The following HELLS variants were observed in gnomAD, a reference collection of about 807,000 sequenced individuals.
HELLS encodes helicase, lymphoid specific, also known as lymphoid-specific helicase.
HELLS carries 32 observed loss-of-function variants against 120.0 expected under a neutral mutation model. The observed-to-expected ratio is 0.27, with a 90% CI of 0.20 to 0.36. The LOEUF (loss-of-function observed/expected upper bound fraction) is 0.36, where lower values mean the gene tolerates loss of function less well. Among genes scored for constraint, HELLS ranks in the 10% least tolerant of loss-of-function variants. The probability of loss-of-function intolerance (pLI) is 1.00; values close to 1 mark genes in which losing one functional copy is unlikely to be tolerated. For synonymous variants in HELLS, 341 were observed against 323.4 expected (o/e 1.05, Z -0.58); for missense variants, 650 against 993.4 (o/e 0.65, Z 4.65).
chr10:94,567,900 C>T (rs1201042734), intron 6 of HELLS, among the ~76,000 whole-genome samples: 1 of 142,682 alleles, frequency 7.0e-6, no homozygotes, highest in Non-Finnish European at 1.5e-5. Flanking sequence ...GAGAATGAAA[C>T]CCTGGTTTTT....
intron 4 of HELLS, among the ~76,000 whole-genome samples, chr10:94,562,308 C>T (rs1458656778): frequency 6.6e-6 from 1 of 152,102 alleles, no homozygotes; most frequent in Non-Finnish European, 1.5e-5. Context: ...GAGGCTGAAG[C>T]AGGGGAATCT....
At chr10:94,598,712 T>C (rs1352821150) in intron 21 of HELLS, among the ~76,000 whole-genome samples, 1 of 151,944 alleles carries the variant, frequency 6.6e-6, no homozygotes, top group Non-Finnish European at 1.5e-5. Flanking sequence ...GCAAAAGTTT[T>C]AAATTTTAAT....
intron 10 of HELLS, among the ~76,000 whole-genome samples, chr10:94,580,679 T>C (rs1844825129): frequency 6.6e-6 from 1 of 152,190 alleles, no homozygotes; most frequent in African/African-American, 2.4e-5. Context: ...CTATACTCTT[T>C]CCTCAATTTG....
intron 13 of HELLS, 80 bp downstream of exon 13, chr10:94,588,470 G>A (rs1347797197): frequency 6.7e-6 from 7 of 1,037,342 alleles, no homozygotes; most frequent in Non-Finnish European, 9.7e-6. Context: ...TTGAGAGAAG[G>A]TGTCGCTCTG....
intron 6 of HELLS, among the ~76,000 whole-genome samples, chr10:94,567,396 T>C (rs1843864095): frequency 6.6e-6 from 1 of 152,074 alleles, no homozygotes. Context: ...GCTCCCAGGT[T>C]CAAGCGATTC....
intron 12 of HELLS, chr10:94,584,157 A>G: frequency 7.9e-6 from 8 of 1,010,002 alleles, no homozygotes; most frequent in African/African-American, 3.3e-5. Context: ...TGCAGAGATT[A>G]AAAAGGATGA....
At chr10:94,549,677 C>T (rs944348903) in intron 2 of HELLS, among the ~76,000 whole-genome samples, 6 of 152,140 alleles carry the variant, frequency 3.9e-5, no homozygotes, top group African/African-American at 1.4e-4. Context: ...TGTCCATTGG[C>T]ATACTCTGTA....
Position 94,574,741 on chromosome 10 carries a change from G to T in HELLS, c.888+5G>T. The stretch of plus-strand genomic sequence containing the variant: ...TTCAAAAGATTTACACCAGATGTAA[G>T]ACATGCTTCCTTATGTTAAAATTAT... On this transcript the variant is annotated splice_donor_5th_base_variant and intron_variant, in intron 9 of 21. Coordinates refer to ENST00000348459, the MANE Select transcript of HELLS (RefSeq NM_018063.5). The T allele has an allele frequency of 6.2e-7, 1 of 1,601,950 alleles. No homozygotes were observed. The highest frequency in any genetic ancestry group is 8.5e-7 in the Non-Finnish European group (1 of 1,172,746).
chr10:94,588,562 T>G (rs902805735), intron 13 of HELLS, among the ~76,000 whole-genome samples, 172 bp downstream of exon 13: 1 of 152,158 alleles, frequency 6.6e-6, no homozygotes, highest in Non-Finnish European at 1.5e-5. Context: ...TATTTTTTTG[T>G]AGAGACTGGC....
intron 16 of HELLS, 32 bp downstream of exon 16, chr10:94,592,344 C>T (rs907035508): frequency 5.1e-6 from 8 of 1,581,348 alleles, no homozygotes; most frequent in Non-Finnish European, 6.9e-6. Context: ...TTGGATTGTT[C>T]AATTATTTTT....
Position 94,563,348 on chromosome 10 carries a change from G to A in HELLS, c.435+472G>A, listed in dbSNP as rs151147574. On this transcript the variant is annotated intron_variant, in intron 6 of 21. Coordinates refer to ENST00000348459, the MANE Select transcript of HELLS (RefSeq NM_018063.5). ...TGACTTAAGGTGATCCGCCCGCCTC[G>A]GTCTCCTAAAATGCCACATTACAGG... 5.9e-5 allele frequency among the ~76,000 whole-genome samples: 9 copies of A among 152,196 alleles called. No homozygotes were observed. In the East Asian group the frequency reaches 9.7e-4, roughly 16 times the overall value.
downstream of HELLS, among the ~76,000 whole-genome samples, chr10:94,603,691 A>G (rs1200539792): frequency 6.6e-6 from 1 of 152,146 alleles, no homozygotes; most frequent in Admixed American, 6.5e-5. Context: ...CTTCTTTTGC[A>G]TTTTCCTTAG....
rs1844504893 is a variant in HELLS, at chr10:94,576,709, G to A, written c.936G>A (p.Leu312=). The A allele has an allele frequency of 6.2e-7, 1 of 1,609,928 alleles. No homozygotes were observed. The change falls in exon 10 of 22, where the codon TTG becomes TTA. Residue 312 remains leucine, a synonymous_variant. Coordinates refer to ENST00000348459, the MANE Select transcript of HELLS (RefSeq NM_018063.5). Reference sequence around the variant, plus strand: ...GAACCCAGGAGGAACGTCAAAAATTGGTAAGAAATATTTACAAACGGAAAG... The same window carrying A: ...GAACCCAGGAGGAACGTCAAAAATTAGTAAGAAATATTTACAAACGGAAAG... ...YHGTQEERQK[L]VRNIYKRKGT...
intron 3 of HELLS, among the ~76,000 whole-genome samples, chr10:94,555,766 C>CTA (rs1012892309): frequency 6.6e-6 from 1 of 152,086 alleles, no homozygotes; most frequent in African/African-American, 2.4e-5. Context: ...GTAGCTGGGA[C>CTA]TACAGGAGCA....
In HELLS at chr10:94,590,506, T is replaced by C. The variant is rs756561455; in HGVS notation, c.1582T>C (p.Leu528=). 106 of 1,610,582 alleles carry C rather than the reference T, an allele frequency of 6.6e-5. No individual in the cohort carries two copies. In the East Asian group the frequency reaches 2.1e-3, roughly 33 times the overall value. The change falls in exon 14 of 22, where the codon TTG becomes CTG. Residue 528 remains leucine (L), a synonymous_variant. Coordinates refer to ENST00000348459, the MANE Select transcript of HELLS (RefSeq NM_018063.5). ...CAAAATAGATGATTTCCCTAATGAA[T>C]TGGAAAAACTGATCAGTCAAATACA... ...YSKIDDFPNE[L]EKLISQIQPE...
chr10:94,567,424 G>A (rs1207173265), intron 6 of HELLS, among the ~76,000 whole-genome samples: 16 of 151,848 alleles, frequency 1.1e-4, no homozygotes, highest in Admixed American at 9.8e-4. Flanking sequence ...TCAGCCTTCC[G>A]AGTAGCTAGG....
chr10:94,591,319 A>G (rs1434306205), intron 15 of HELLS, among the ~76,000 whole-genome samples: 3 of 152,200 alleles, frequency 2.0e-5, no homozygotes, highest in Non-Finnish European at 1.5e-5. Flanking sequence ...TTGCTTAAAG[A>G]TCAACAGGTA....
chr10:94,600,355 T>G (rs888670994), intron 21 of HELLS, among the ~76,000 whole-genome samples: 1 of 151,074 alleles, frequency 6.6e-6, no homozygotes, highest in African/African-American at 2.4e-5. Flanking sequence ...AAAATTTATA[T>G]GAGAGAGTAA....
chr10:94,601,616 G>C lies in HELLS; in HGVS notation c.2511G>C (p.Leu837Phe). The change falls in exon 22 of 22, where the codon TTG (leucine) becomes TTC (phenylalanine). Residue 837 changes from leucine to phenylalanine, a missense_variant. Transcript: ENST00000348459. Reference sequence around the variant, plus strand: ...CTGAAGATTCCAGTCCTGAATGTTTGTTTTAAAGTGGAGCTCAAGAATAGC... The same window carrying C: ...CTGAAGATTCCAGTCCTGAATGTTTCTTTTAAAGTGGAGCTCAAGAATAGC... ...ENSEDSSPEC[L>F]F 1 of 1,518,208 alleles carries C rather than the reference G, an allele frequency of 6.6e-7. No individual in the cohort carries two copies. The highest frequency in any genetic ancestry group is 9.0e-7 in the Non-Finnish European group (1 of 1,105,152). 94.0% of individuals were successfully genotyped at this position (1,518,208 alleles called of 1,614,324 possible).
Sources: allele counts gnomAD v4.1 joint callset (sites outside exome capture counted in the v4.1 genomes callset), GRCh38; gene constraint gnomAD v4.1.1; transcripts MANE v1.5; gene names NCBI Gene and HGNC (gene_info 2026-07-23, HGNC 2026-07-21).